FER1L6: variants seen among roughly 807,000 people sequenced by gnomAD.
FER1L6 encodes fer-1 like family member 6.
In FER1L6, 177 loss-of-function variants were observed where a neutral mutation model predicts 219.2. The observed-to-expected ratio is 0.81, with a 90% CI of 0.71 to 0.91. The LOEUF is 0.91. Ranked by LOEUF, FER1L6 falls within the 40% of genes least tolerant of loss-of-function variation. FER1L6 has a pLI of 0.00. For missense variants in FER1L6, 2,153 were observed against 2,259.9 expected, an observed-to-expected ratio of 0.95 and a Z score of 0.96; for synonymous variants, 768 against 824.3, an observed-to-expected ratio of 0.93 and a Z score of 1.17.
chr8:124,081,301 A>G (rs1429333861), intron 32 of FER1L6, among the ~76,000 whole-genome samples: 3 of 152,170 alleles, frequency 2.0e-5, no homozygotes, highest in East Asian at 3.8e-4. Context: ...ACCAGTCCCA[A>G]TGCAGTAGCA....
At chr8:124,034,121 G>T (rs958979056) in intron 18 of FER1L6, among the ~76,000 whole-genome samples, 2 of 150,926 alleles carry the variant, frequency 1.3e-5, no homozygotes, top group African/African-American at 4.9e-5. Context: ...ATAGGATTTT[G>T]TGACTCTCAA....
chr8:123,945,845 G>A (rs973287502), intron 1 of FER1L6, among the ~76,000 whole-genome samples: 1 of 152,200 alleles, frequency 6.6e-6, no homozygotes, highest in Admixed American at 6.5e-5. Context: ...TTCATTTTCA[G>A]CATTGAACTG....
intron 5 of FER1L6, 111 bp from the exon 6 acceptor site, chr8:123,969,924 A>G (rs1815721736): frequency 2.5e-6 from 2 of 789,018 alleles, no homozygotes; most frequent in African/African-American, 1.7e-5. Context: ...TGATGTATAT[A>G]TATTCATGCA....
intron 1 of FER1L6, among the ~76,000 whole-genome samples, chr8:123,884,037 C>T (rs1485808881): frequency 6.6e-6 from 1 of 152,180 alleles, no homozygotes; most frequent in African/African-American, 2.4e-5. Flanking sequence ...CATACATACA[C>T]TGGGAAAGAC....
At chr8:124,067,107 C>T (rs140491203) in intron 27 of FER1L6, among the ~76,000 whole-genome samples, 138 of 152,068 alleles carry the variant, frequency 9.1e-4, no homozygotes, top group African/African-American at 3.1e-3. Context: ...CTGGAGAGTC[C>T]GGCAAAAGCT....
chr8:123,852,468 A>ATG lies in FER1L6; in HGVS notation c.-8+284_-8+285dup, dbSNP rs1479516380. On this transcript the variant is annotated intron_variant, in intron 1 of 40. Transcript: ENST00000522917. The surrounding 1 kb of genome is among the most constrained non-coding windows in gnomAD (Gnocchi z 4.9). Reference sequence around the variant, plus strand: ...GTTGCTTGAACTCCATGTTGTGAGCATGCGTGTGTGTGTGTGTGTGTGTGT... The same window carrying ATG: ...GTTGCTTGAACTCCATGTTGTGAGCATGTGCGTGTGTGTGTGTGTGTGTGTGT... 9.9e-6 allele frequency among the ~76,000 whole-genome samples: 1 copy of ATG among 100,520 alleles called. No homozygotes were observed. Among genetic ancestry groups the ATG allele is most frequent in the Non-Finnish European group, 2.0e-5 (1 of 49,736 alleles). The allele number at this position is 100,520 out of a possible 152,430, so 65.9% of individuals were successfully genotyped here. A position where few individuals can be genotyped will look rare whatever the true frequency, so the allele number is the denominator to read the frequency against.
chr8:124,068,781 C>T (rs1250482102), intron 28 of FER1L6, among the ~76,000 whole-genome samples: 2 of 152,144 alleles, frequency 1.3e-5, no homozygotes, highest in Admixed American at 6.5e-5. Flanking sequence ...GGCCATTGCC[C>T]TATTCCTATT....
chr8:123,896,263 A>G (rs1021571706), intron 1 of FER1L6, among the ~76,000 whole-genome samples: 1 of 152,194 alleles, frequency 6.6e-6, no homozygotes, highest in Admixed American at 6.5e-5. Flanking sequence ...ACTTTGCTTT[A>G]TGTGTTATTC....
At chr8:123,857,299 C>A (rs748861027) in intron 1 of FER1L6, among the ~76,000 whole-genome samples, 2 of 152,144 alleles carry the variant, frequency 1.3e-5, no homozygotes, top group Non-Finnish European at 2.9e-5. Context: ...CACTTGAGGC[C>A]AGGAGTTCAA....
chr8:124,081,168 T>C (rs56813553), intron 32 of FER1L6, among the ~76,000 whole-genome samples: 5,387 of 152,134 alleles, frequency 0.035, 302 homozygotes, highest in African/African-American at 0.12. Flanking sequence ...CCTCTTTGTC[T>C]ATCGCTCCCA....
chr8:124,076,895 G>C (rs1821318718), intron 32 of FER1L6, among the ~76,000 whole-genome samples: 1 of 152,214 alleles, frequency 6.6e-6, no homozygotes, highest in Non-Finnish European at 1.5e-5. Flanking sequence ...TCAAAGAGTT[G>C]AACTTTGTCC....
intron 2 of FER1L6, among the ~76,000 whole-genome samples, chr8:123,958,261 C>A (rs780367005): frequency 4.6e-5 from 7 of 152,222 alleles, no homozygotes; most frequent in African/African-American, 7.2e-5. Flanking sequence ...CTGTTTGCCC[C>A]TCCGGATCTA....
chr8:124,035,296 C>A lies in FER1L6; in HGVS notation c.2306C>A (p.Ala769Asp). 6 of 1,613,670 alleles carry A rather than the reference C, an allele frequency of 3.7e-6. No individual in the cohort carries two copies. The highest frequency in any genetic ancestry group is 5.1e-6 in the Non-Finnish European group (6 of 1,179,810). The change falls in exon 19 of 41, where the codon GCT becomes GAT. Residue 769 changes from alanine to aspartate, a missense_variant. By Grantham distance (126) the Ala-to-Asp change is moderately radical. Coordinates refer to ENST00000522917, the MANE Select transcript of FER1L6 (RefSeq NM_001039112.2). Reference sequence around the variant, plus strand: ...CTCCAGCCTCCTGGGAAACGACCGGCTGGTTGGTCTGTGCAAGCAAAAGTC... The same window carrying A: ...CTCCAGCCTCCTGGGAAACGACCGGATGGTTGGTCTGTGCAAGCAAAAGTC... ...HFLKPPGKRP[A>D]GWSVQAKVDV...
rs1384350352 is a variant in FER1L6 at position 124,111,217 on chromosome 8, T to C, written c.5290-7627T>C. ...AGGGGGAAGGAAATCTCTTCCCATT[T>C]TCAACAGGGAGAACTAAGCCTCTCA... is the stretch of plus-strand genomic sequence containing the variant. On this transcript the variant is annotated intron_variant, in intron 39 of 40. Transcript: ENST00000522917. This position sits in a 1 kb window ranked among gnomAD's most constrained non-coding sequence, Gnocchi z 5.0. Among the ~76,000 whole-genome samples, 1 of 152,226 alleles carries C rather than the reference T, an allele frequency of 6.6e-6. No homozygotes were observed. Among genetic ancestry groups the C allele is most frequent in the African/African-American group, 2.4e-5 (1 of 41,462 alleles).
chr8:123,962,708 C>T (rs1815345687), intron 2 of FER1L6, among the ~76,000 whole-genome samples: 1 of 152,174 alleles, frequency 6.6e-6, no homozygotes, highest in Admixed American at 6.5e-5. Context: ...TTAGCTGCAA[C>T]ATCTGTCCCG....
chr8:124,030,109 G>A (rs1818892549), intron 18 of FER1L6, among the ~76,000 whole-genome samples: 1 of 152,120 alleles, frequency 6.6e-6, no homozygotes, highest in African/African-American at 2.4e-5. Flanking sequence ...TCTCTATTCT[G>A]TTCCATTGGT....
chr8:123,956,175 G>A (rs1815010432), intron 2 of FER1L6, 101 bp downstream of exon 2: 2 of 1,084,950 alleles, frequency 1.8e-6, no homozygotes, highest in African/African-American at 1.6e-5. Flanking sequence ...GGAGCGAGGG[G>A]GAGTGTGAAT....
intron 1 of FER1L6, among the ~76,000 whole-genome samples, chr8:123,947,910 C>G (rs1006360589): frequency 1.3e-5 from 2 of 152,132 alleles, no homozygotes; most frequent in African/African-American, 4.8e-5. Flanking sequence ...GAGAAGTCCC[C>G]TTCAATGGAA....
At chr8:123,933,370 A>ATGTGTGTCTGTGTGTGTGTGTGTG (rs1203529956) in intron 1 of FER1L6, among the ~76,000 whole-genome samples, 5 of 132,538 alleles carry the variant, frequency 3.8e-5, no homozygotes, top group Admixed American at 7.2e-5. Flanking sequence ...ATCATAGCAT[A>ATGTGTGTCTGTGTGTGTGTGTGTG]TGTGTGTCTG....
Sources: gnomAD v4.1 joint callset for allele counts (sites outside exome capture counted in the v4.1 genomes callset) on GRCh38, gnomAD v4.1.1 for gene constraint, Gnocchi (gnomAD v3.1) non-coding constraint, MANE v1.5 for transcripts, NCBI Gene and HGNC (gene_info 2026-07-23, HGNC 2026-07-21) for gene names.